Variants in NEK10 observed in about 807,000 individuals in gnomAD.
NEK10 encodes NIMA related kinase 10, also known as serine/threonine-protein kinase Nek10.
NEK10 carries 122 observed loss-of-function variants against 159.8 expected under a neutral mutation model. That is an observed-to-expected ratio of 0.76 (90% CI 0.66 to 0.89). The LOEUF (loss-of-function observed/expected upper bound fraction) is 0.89. Ranked by LOEUF, NEK10 falls within the 40% of genes least tolerant of loss-of-function variation. The probability of loss-of-function intolerance (pLI) is 0.00; values close to 1 mark genes in which losing one functional copy is unlikely to be tolerated. For synonymous variants in NEK10, 466 were observed against 457.1 expected (o/e 1.02, Z -0.25); for missense variants, 1,342 against 1,323.1 (o/e 1.01, Z -0.22).
At chr3:27,233,474 T>C (rs1314451490) in intron 23 of NEK10, among the ~76,000 whole-genome samples, 2 of 151,948 alleles carry the variant, frequency 1.3e-5, no homozygotes, top group Non-Finnish European at 1.5e-5. Flanking sequence ...ACTAGTACAA[T>C]CACTATGGAA....
At chr3:27,262,722 T>C (rs1372521148) in intron 22 of NEK10, among the ~76,000 whole-genome samples, 2 of 152,206 alleles carry the variant, frequency 1.3e-5, no homozygotes, top group African/African-American at 2.4e-5. Flanking sequence ...TTATTCTAGT[T>C]AGCCATTCAT....
chr3:27,366,260 G>A (rs374351756), intron 1 of NEK10, among the ~76,000 whole-genome samples: 1 of 152,080 alleles, frequency 6.6e-6, no homozygotes, highest in East Asian at 1.9e-4. Context: ...CCATATCTAG[G>A]ATTTGGGGAG....
intron 1 of NEK10, among the ~76,000 whole-genome samples, chr3:27,358,884 T>C (rs1245839178): frequency 6.6e-6 from 1 of 152,222 alleles, no homozygotes; most frequent in Non-Finnish European, 1.5e-5. Context: ...TTACTACATT[T>C]ACTAATGGTT....
chr3:27,160,229 C>T (rs1173328116), intron 30 of NEK10, among the ~76,000 whole-genome samples: 1 of 152,132 alleles, frequency 6.6e-6, no homozygotes, highest in African/African-American at 2.4e-5. Flanking sequence ...ACACCTTGGT[C>T]CAAACGTACT....
rs572198349 is a variant in NEK10 at position 27,316,456 on chromosome 3, G to A, written c.448-2118C>T. On this transcript the variant is annotated intron_variant, in intron 6 of 35. Coordinates refer to ENST00000691995, the MANE Select transcript of NEK10 (RefSeq NM_001394966.1). ...AGGAATAGGCTGAGATAGAGCAGAGGACTCTATTTTGGACATACTGCAGTG... is the reference window on the plus strand; with the variant it reads ...AGGAATAGGCTGAGATAGAGCAGAGAACTCTATTTTGGACATACTGCAGTG... Among the ~76,000 whole-genome samples the A allele has an allele frequency of 5.9e-5, 9 of 152,114 alleles. No homozygotes were observed. The East Asian group carries it at 1.7e-3, about 29-fold the overall frequency.
chr3:27,284,678 G>A lies in NEK10; in HGVS notation c.1938C>T (p.His646=). The A allele has an allele frequency of 3.7e-6, 6 of 1,609,594 alleles. No individual in the cohort carries two copies. The highest frequency in any genetic ancestry group is 5.1e-6 in the Non-Finnish European group (6 of 1,176,004). The change falls in exon 22 of 36, where the codon CAC becomes CAT. Residue 646 remains histidine, a synonymous_variant. Transcript: ENST00000691995. The part of the protein sequence containing the change: ...IQLCLALRYL[H]KEKRIVHRDL... ...CTCTATGGACAATCCTCTTCTCCTT[G>A]TGTAAGTATCGAAGAGCTAAGCACA...
chr3:27,213,799 A>G (rs1277927868), intron 23 of NEK10, among the ~76,000 whole-genome samples: 3 of 151,908 alleles, frequency 2.0e-5, no homozygotes, highest in East Asian at 1.9e-4. Context: ...GAAAAAAATC[A>G]AAGTATTTTA....
At chr3:27,208,824 T>C (rs1464293347) in intron 23 of NEK10, among the ~76,000 whole-genome samples, 1 of 152,220 alleles carries the variant, frequency 6.6e-6, no homozygotes, top group Non-Finnish European at 1.5e-5. Context: ...CTCAAAACCT[T>C]ATCCTCAGAG....
chr3:27,288,428 A>G (rs763390135), intron 19 of NEK10, among the ~76,000 whole-genome samples: 2 of 152,072 alleles, frequency 1.3e-5, no homozygotes, highest in Non-Finnish European at 2.9e-5. Context: ...TTGACATCCA[A>G]TTAAGTTTCT....
intron 23 of NEK10, among the ~76,000 whole-genome samples, chr3:27,218,482 T>C (rs1468778456): frequency 6.6e-6 from 1 of 151,638 alleles, no homozygotes; most frequent in Non-Finnish European, 1.5e-5. Flanking sequence ...GCGCATGCCT[T>C]TAATCCCAGC....
chr3:27,289,914 A>T (rs920348176), intron 19 of NEK10, among the ~76,000 whole-genome samples: 12 of 152,232 alleles, frequency 7.9e-5, no homozygotes, highest in African/African-American at 2.9e-4. Flanking sequence ...ACATCCCAAC[A>T]CAGATGCTAT....
At chr3:27,242,093 A>G (rs62258161) in intron 23 of NEK10, among the ~76,000 whole-genome samples, 35,350 of 152,094 alleles carry the variant, frequency 0.23, 4,480 homozygotes, top group Middle Eastern at 0.38. Flanking sequence ...GGACATGCAT[A>G]CTAGAATTGT....
At chr3:27,254,230 G>C (rs951932451) in intron 23 of NEK10, among the ~76,000 whole-genome samples, 1 of 152,150 alleles carries the variant, frequency 6.6e-6, no homozygotes, top group South Asian at 2.1e-4. Context: ...TAGTGTCAGT[G>C]TATTTTGTGT....
chr3:27,329,705 A>AAAC (rs1422843858), intron 5 of NEK10, among the ~76,000 whole-genome samples: 1 of 152,210 alleles, frequency 6.6e-6, no homozygotes, highest in African/African-American at 2.4e-5. Context: ...TGCACACCTA[A>AAAC]AACAAATTTT....
chr3:27,355,246 C>T (rs962970163), intron 1 of NEK10, among the ~76,000 whole-genome samples: 2 of 152,134 alleles, frequency 1.3e-5, no homozygotes, highest in Non-Finnish European at 2.9e-5. Context: ...GGTCCTCCTC[C>T]CTTCTCTATC....
chr3:27,334,625 A>G (rs913729533), intron 5 of NEK10, among the ~76,000 whole-genome samples: 1 of 152,204 alleles, frequency 6.6e-6, no homozygotes, highest in Admixed American at 6.5e-5. Flanking sequence ...CTCAGATATC[A>G]CTGACACTGT....
intron 5 of NEK10, among the ~76,000 whole-genome samples, chr3:27,336,739 A>G (rs1603050): frequency 0.02 from 3,097 of 152,322 alleles, 155 homozygotes; most frequent in East Asian, 0.17. Context: ...AGAATGAACG[A>G]TAAACAACAT....
At chr3:27,179,403 TTAAA>T (rs1216194458) in intron 26 of NEK10, among the ~76,000 whole-genome samples, 1 of 152,150 alleles carries the variant, frequency 6.6e-6, no homozygotes, top group East Asian at 1.9e-4. Flanking sequence ...TGTGATTAAA[TTAAA>T]TAAATTAGGG....
rs369661627 is a variant in NEK10, at chr3:27,343,460, T to A, written c.362+812A>T. 4.8e-4 allele frequency among the ~76,000 whole-genome samples: 73 copies of A among 152,324 alleles called. 3 individuals carry two copies. The South Asian group carries it at 0.015, about 31-fold the overall frequency. The stretch of plus-strand genomic sequence containing the variant: ...CATTTTCACTGGGATGGAATTCACA[T>A]ATCTCAATCAAATCACAACAAAGTG... On this transcript the variant is annotated intron_variant, in intron 5 of 35. Coordinates refer to ENST00000691995, the MANE Select transcript of NEK10 (RefSeq NM_001394966.1).
Sources: allele counts gnomAD v4.1 joint callset (sites outside exome capture counted in the v4.1 genomes callset), GRCh38; gene constraint gnomAD v4.1.1; transcripts MANE v1.5; gene names NCBI Gene and HGNC (gene_info 2026-07-23, HGNC 2026-07-21).